Variants in LMF1 observed in about 807,000 individuals in gnomAD.
The protein encoded by LMF1 is transmembrane protein 112.
Under a neutral mutation model 60.6 loss-of-function variants are expected in LMF1, and 68 were observed. The observed-to-expected ratio is 1.12, with a 90% CI of 0.92 to 1.37. The LOEUF (loss-of-function observed/expected upper bound fraction) is 1.37. LMF1 is among the 40% of genes most tolerant of loss of function. LMF1 has a pLI of 0.00. For synonymous variants in LMF1, 418 were observed against 324.7 expected (o/e 1.29, Z -3.09); for missense variants, 948 against 767.2 (o/e 1.24, Z -2.78).
intron 4 of LMF1, chr16:901,594 G>T (rs1004469090): frequency 6.6e-6 from 1 of 152,272 alleles, no homozygotes; most frequent in Non-Finnish European, 1.5e-5. Context: ...CCTTCACTTT[G>T]ACACGACTGA....
At chr16:868,491 G>A (rs564635225) in intron 10 of LMF1, among the ~76,000 whole-genome samples, 1 of 152,192 alleles carries the variant, frequency 6.6e-6, no homozygotes, top group African/African-American at 2.4e-5. Flanking sequence ...CCACGTCACT[G>A]GCCGGAGTGG....
intron 2 of LMF1, among the ~76,000 whole-genome samples, chr16:935,828 T>C (rs1407919595): frequency 6.6e-6 from 1 of 152,206 alleles, no homozygotes; most frequent in Non-Finnish European, 1.5e-5. Context: ...CCTTTGAATA[T>C]GTCTGTGATT....
At chr16:891,473 C>T (rs896613990) in intron 5 of LMF1, among the ~76,000 whole-genome samples, 2 of 152,250 alleles carry the variant, frequency 1.3e-5, no homozygotes, top group African/African-American at 4.8e-5. Context: ...CTCACCAGCA[C>T]GCAGCCTTCG....
chr16:964,575 T>C (rs769094620), intron 1 of LMF1, among the ~76,000 whole-genome samples: 3 of 152,214 alleles, frequency 2.0e-5, no homozygotes, highest in Non-Finnish European at 4.4e-5. Context: ...GTGCATTTCA[T>C]TAGAACTCAA....
chr16:864,446 G>C (rs931226779), intron 10 of LMF1, among the ~76,000 whole-genome samples: 10 of 152,184 alleles, frequency 6.6e-5, no homozygotes, highest in Admixed American at 2.0e-4. Context: ...TTCAGTAAAT[G>C]ACATATTCAA....
chr16:909,652 G>A (rs1449419682), intron 4 of LMF1, among the ~76,000 whole-genome samples: 2 of 152,220 alleles, frequency 1.3e-5, no homozygotes, highest in African/African-American at 2.4e-5. Context: ...CCCAAACCAC[G>A]TGGAGTCATC....
At chr16:892,921 G>A (rs1044903687) in intron 5 of LMF1, 86 bp downstream of exon 5, 1 of 1,004,412 alleles carries the variant, frequency 1.0e-6, no homozygotes, top group Non-Finnish European at 1.5e-6. Flanking sequence ...AGCTCACCAG[G>A]GTGTGCAGGA....
intron 10 of LMF1, among the ~76,000 whole-genome samples, chr16:864,925 CTT>C (rs1205371431): frequency 1.3e-5 from 2 of 152,162 alleles, no homozygotes; most frequent in African/African-American, 4.8e-5. Context: ...CCTGGCCAAT[CTT>C]TATCTCTTAA....
chr16:893,648 G>A lies in LMF1; in HGVS notation c.664-576C>T, dbSNP rs893311517. On this transcript the variant is annotated intron_variant, in intron 4 of 10. Transcript: ENST00000262301. ...AGAGGGAGCCGCCAGCACTGGGGAA[G>A]GTGGGACTTGGGCAGAGAGGCTGCG... 4.6e-5 allele frequency among the ~76,000 whole-genome samples: 7 copies of A among 152,296 alleles called. No homozygotes were observed. The South Asian group carries it at 8.3e-4, about 18-fold the overall frequency.
At chr16:917,480 C>T (rs569249564) in intron 3 of LMF1, among the ~76,000 whole-genome samples, 144 of 127,182 alleles carry the variant, frequency 1.1e-3, no homozygotes, top group Non-Finnish European at 1.6e-3. Context: ...GTGTGCGCTG[C>T]GGGCGGGCGC....
chr16:869,814 C>A, intron 9 of LMF1, 69 bp downstream of exon 9: 1 of 1,504,898 alleles, frequency 6.6e-7, no homozygotes. Flanking sequence ...TTCTAGAAAC[C>A]TGCCATCTAT....
At chr16:869,624 AC>A in intron 9 of LMF1, 1 of 656,438 alleles carries the variant, frequency 1.5e-6, no homozygotes, top group Non-Finnish European at 2.8e-6. Flanking sequence ...TCGCTATGGC[AC>A]CCGGGCTGGG....
intron 5 of LMF1, among the ~76,000 whole-genome samples, chr16:890,412 G>A (rs1004961308): frequency 3.9e-5 from 6 of 152,214 alleles, no homozygotes; most frequent in Admixed American, 3.9e-4. Flanking sequence ...ACAGCTGGAA[G>A]GAGCCGGCCC....
rs965894895 is a variant in LMF1 at position 878,660 on chromosome 16, G to A, written c.897+910C>T. Among the ~76,000 whole-genome samples the A allele has an allele frequency of 6.6e-5, 10 of 151,150 alleles. No homozygotes were observed. Among genetic ancestry groups the A allele is most frequent in the East Asian group, 5.9e-4 (3 of 5,060 alleles). On this transcript the variant is annotated intron_variant, in intron 6 of 10. Transcript: ENST00000262301. The surrounding 1 kb of genome is among the most constrained non-coding windows in gnomAD (Gnocchi z 5.2). ...CATGGGCGCCCCCACGTGCACCAAC[G>A]TGGCGTGGCACCCGTGCCTGCTGAC...
At chr16:854,829 G>T in intron 10 of LMF1, 123 bp from the exon 11 acceptor site, 1 of 909,222 alleles carries the variant, frequency 1.1e-6, no homozygotes, top group Non-Finnish European at 1.7e-6. Context: ...GGCTGCATGA[G>T]GAGCCCCCAC....
At chr16:865,540 C>T (rs2069588917) in intron 10 of LMF1, among the ~76,000 whole-genome samples, 1 of 152,006 alleles carries the variant, frequency 6.6e-6, no homozygotes, top group South Asian at 2.1e-4. Context: ...AGAGACGAGA[C>T]TTCACCATGT....
intron 4 of LMF1, among the ~76,000 whole-genome samples, chr16:894,923 C>G (rs1015058055): frequency 2.0e-5 from 3 of 152,216 alleles, no homozygotes; most frequent in South Asian, 2.1e-4. Flanking sequence ...AGCCTCGGCC[C>G]GGACAGAGCT....
intron 4 of LMF1, chr16:901,309 G>C (rs4984960): frequency 0.42 from 63,707 of 151,826 alleles, 15,153 homozygotes; most frequent in African/African-American, 0.65. Flanking sequence ...TCCAGGGGGC[G>C]TCACGGAAAA....
intron 4 of LMF1, chr16:893,319 T>A (rs957352576): frequency 6.6e-6 from 4 of 606,400 alleles, no homozygotes; most frequent in Non-Finnish European, 1.2e-5. Flanking sequence ...GTGGCTTCCT[T>A]TGCGCCTTCC....
Sources: allele counts gnomAD v4.1 joint callset (sites outside exome capture counted in the v4.1 genomes callset), GRCh38; gene constraint gnomAD v4.1.1; non-coding constraint Gnocchi (gnomAD v3.1); transcripts MANE v1.5; gene names NCBI Gene and HGNC (gene_info 2026-07-23, HGNC 2026-07-21).